The following GRID1 variants were observed in gnomAD, a reference collection of about 807,000 sequenced individuals.
GRID1 encodes the protein glutamate ionotropic receptor delta type subunit 1.
Under a neutral mutation model 98.0 loss-of-function variants are expected in GRID1, and 28 were observed. That is an observed-to-expected ratio of 0.29 (90% CI 0.21 to 0.39). The LOEUF (loss-of-function observed/expected upper bound fraction) is 0.39, where lower values mean the gene tolerates loss of function less well. Among genes scored for constraint, GRID1 ranks in the 10% least tolerant of loss-of-function variants. GRID1 has a pLI of 1.00. For synonymous variants in GRID1, 553 were observed against 538.5 expected, an observed-to-expected ratio of 1.03 and a Z score of -0.37; for missense variants, 1,111 against 1,340.5, an observed-to-expected ratio of 0.83 and a Z score of 2.67.
chr10:85,791,435 T>A (rs1842478709), intron 8 of GRID1, among the ~76,000 whole-genome samples: 1 of 152,158 alleles, frequency 6.6e-6, no homozygotes. Flanking sequence ...AATCAAAAAC[T>A]TGGAAAGAGA....
At chr10:85,688,619 T>G (rs1841296310) in intron 12 of GRID1, among the ~76,000 whole-genome samples, 1 of 152,228 alleles carries the variant, frequency 6.6e-6, no homozygotes, top group South Asian at 2.1e-4. Flanking sequence ...GAGGCATATT[T>G]ATGAGGCATT....
At chr10:86,078,694 G>C (rs1843921076) in intron 4 of GRID1, among the ~76,000 whole-genome samples, 1 of 152,236 alleles carries the variant, frequency 6.6e-6, no homozygotes, top group Non-Finnish European at 1.5e-5. Context: ...TGGGGGCCTA[G>C]GGCTGGCTGG....
intron 12 of GRID1, among the ~76,000 whole-genome samples, chr10:85,675,935 T>C (rs897487301): frequency 6.6e-6 from 1 of 152,146 alleles, no homozygotes; most frequent in Non-Finnish European, 1.5e-5. Flanking sequence ...AATTGGAAAC[T>C]GAAGATTCAG....
intron 2 of GRID1, among the ~76,000 whole-genome samples, chr10:86,253,185 GCT>G (rs1183482605): frequency 6.6e-6 from 1 of 152,216 alleles, no homozygotes; most frequent in Non-Finnish European, 1.5e-5. Context: ...CAGGCTGACA[GCT>G]CTGTCTTTTC....
At chr10:85,729,660 T>C in intron 8 of GRID1, 46 bp from the exon 9 acceptor site, 1 of 1,227,922 alleles carries the variant, frequency 8.1e-7, no homozygotes, top group Non-Finnish European at 1.2e-6. Context: ...CTGGCACCCG[T>C]GCACACCATA....
chr10:85,831,930 G>T (rs1564604007), intron 8 of GRID1, among the ~76,000 whole-genome samples: 1 of 151,552 alleles, frequency 6.6e-6, no homozygotes, highest in African/African-American at 2.4e-5. Flanking sequence ...AAATATATTG[G>T]AAAATAAAAT....
At chr10:85,969,235 T>C (rs578172428) in intron 4 of GRID1, among the ~76,000 whole-genome samples, 56 of 152,300 alleles carry the variant, frequency 3.7e-4, no homozygotes, top group Non-Finnish European at 7.2e-4. Context: ...AATTCAATGA[T>C]AATATTATAG....
chr10:85,872,101 C>T (rs567036171), intron 5 of GRID1, among the ~76,000 whole-genome samples: 2 of 152,278 alleles, frequency 1.3e-5, no homozygotes, highest in Non-Finnish European at 2.9e-5. Context: ...GATGTGCATG[C>T]TCAGCTCTGC....
chr10:86,265,227 C>T (rs1281595839), intron 2 of GRID1, among the ~76,000 whole-genome samples: 1 of 152,184 alleles, frequency 6.6e-6, no homozygotes, highest in African/African-American at 2.4e-5. Flanking sequence ...CGTTCACCTC[C>T]CACTCCACTT....
At chr10:85,744,373 A>C (rs1417274937) in intron 8 of GRID1, among the ~76,000 whole-genome samples, 1 of 152,140 alleles carries the variant, frequency 6.6e-6, no homozygotes, top group African/African-American at 2.4e-5. Context: ...AAACCCACAC[A>C]ATTTTTAAAA....
At chr10:85,995,705 C>A (rs1842732070) in intron 4 of GRID1, among the ~76,000 whole-genome samples, 3 of 152,212 alleles carry the variant, frequency 2.0e-5, no homozygotes. Context: ...CCTCTTGACC[C>A]CTTGCCCTAG....
At chr10:85,768,645 C>T (rs939425222) in intron 8 of GRID1, among the ~76,000 whole-genome samples, 4 of 152,124 alleles carry the variant, frequency 2.6e-5, no homozygotes, top group Admixed American at 6.5e-5. Flanking sequence ...GATACACAGC[C>T]TCATACAGGA....
At chr10:86,199,289 T>C (rs1195728917) in intron 3 of GRID1, among the ~76,000 whole-genome samples, 2 of 152,160 alleles carry the variant, frequency 1.3e-5, no homozygotes, top group African/African-American at 4.8e-5. Flanking sequence ...TTGGAACTAC[T>C]TCTACTCAGT....
At chr10:85,773,714 C>G (rs1382146420) in intron 8 of GRID1, among the ~76,000 whole-genome samples, 3 of 152,178 alleles carry the variant, frequency 2.0e-5, no homozygotes, top group Non-Finnish European at 2.9e-5. Flanking sequence ...TGAGTGAACT[C>G]TCATTTACAA....
At chr10:86,321,031 C>T (rs1017866034) in intron 2 of GRID1, among the ~76,000 whole-genome samples, 7 of 149,088 alleles carry the variant, frequency 4.7e-5, no homozygotes, top group African/African-American at 1.2e-4. Flanking sequence ...ACCTGGGAGG[C>T]GGAGCTTGCA....
chr10:86,107,874 A>G (rs1045153584), intron 4 of GRID1, among the ~76,000 whole-genome samples: 1 of 152,168 alleles, frequency 6.6e-6, no homozygotes, highest in Non-Finnish European at 1.5e-5. Context: ...GGGGAAAACC[A>G]TCTCCCTTCT....
At chr10:85,830,553 TATG>T (rs1842858999) in intron 8 of GRID1, among the ~76,000 whole-genome samples, 2 of 304 alleles carry the variant, frequency 6.6e-3, no homozygotes, top group African/African-American at 0.013. Flanking sequence ...TTTTGCAAAC[TATG>T]CAAACTATGC....
chr10:85,648,853 G>A (rs1009748936), intron 12 of GRID1, among the ~76,000 whole-genome samples: 20 of 152,154 alleles, frequency 1.3e-4, no homozygotes, highest in African/African-American at 1.7e-4. Flanking sequence ...TGAGCTCACC[G>A]GGACTTCAGA....
chr10:86,280,564 T>C (rs551996358), intron 2 of GRID1, among the ~76,000 whole-genome samples: 5 of 152,302 alleles, frequency 3.3e-5, no homozygotes, highest in African/African-American at 1.2e-4. Flanking sequence ...TCCTAAGTCA[T>C]TGTAGCAGGG....
Sources: gnomAD v4.1 joint callset for allele counts (sites outside exome capture counted in the v4.1 genomes callset) on GRCh38, gnomAD v4.1.1 for gene constraint, MANE v1.5 for transcripts, NCBI Gene and HGNC (gene_info 2026-07-23, HGNC 2026-07-21) for gene names.